The following GALNT6 variants were observed in gnomAD, a reference collection of about 807,000 sequenced individuals.
GALNT6 encodes GalNAc transferase 6.
In GALNT6, 51 loss-of-function variants were observed where a neutral mutation model predicts 65.9. The ratio of observed to expected loss-of-function variants is 0.77; its 90% CI spans 0.62 to 0.98. The LOEUF (loss-of-function observed/expected upper bound fraction) is 0.98, where lower values mean the gene tolerates loss of function less well. Among genes scored for constraint, GALNT6 ranks in the 50% least tolerant of loss-of-function variants. The pLI is 0.00. For missense variants in GALNT6, 708 were observed against 803.3 expected (o/e 0.88, Z 1.43); for synonymous variants, 323 against 315.1 (o/e 1.02, Z -0.26).
rs759751093 is a variant in GALNT6 at position 51,387,456 on chromosome 12, C to T, written c.-104+3394G>A. ...CAAACATGGATTTTCTATTGAAAAA[C>T]TCAACCCAACTTTGCTCACCACTGT... On this transcript the variant is annotated intron_variant, in intron 2 of 11. Transcript: ENST00000356317. The surrounding 1 kb of genome is among the most constrained non-coding windows in gnomAD (Gnocchi z 4.2). Among the ~76,000 whole-genome samples the T allele has an allele frequency of 6.6e-6, 1 of 152,172 alleles. No homozygotes were observed. The highest frequency in any genetic ancestry group is 1.9e-4 in the East Asian group (1 of 5,204).
chr12:51,380,580 A>C (rs1225907428), intron 2 of GALNT6, among the ~76,000 whole-genome samples: 1 of 152,220 alleles, frequency 6.6e-6, no homozygotes, highest in African/African-American at 2.4e-5. Context: ...GCTATAAAGA[A>C]AGCTAAAGAA....
At chr12:51,390,287 C>G (rs1031895947) in intron 2 of GALNT6, among the ~76,000 whole-genome samples, 6 of 151,602 alleles carry the variant, frequency 4.0e-5, no homozygotes, top group Non-Finnish European at 8.8e-5. Flanking sequence ...CTCAGCCTCC[C>G]AAGTAGCTGG....
At chr12:51,359,554 A>G (rs1946855286) in intron 7 of GALNT6, 2 of 448,178 alleles carry the variant, frequency 4.5e-6, no homozygotes, top group East Asian at 3.4e-5. Context: ...ACTTAAGCAC[A>G]GGGAGACTGC....
intron 6 of GALNT6, among the ~76,000 whole-genome samples, chr12:51,363,868 C>T (rs1375327215): frequency 3.3e-5 from 5 of 152,206 alleles, no homozygotes; most frequent in Non-Finnish European, 5.9e-5. Flanking sequence ...AGCAGTGCCA[C>T]GGTTAGGGCC....
At position 51,352,158 on chromosome 12, in the gene GALNT6, T is replaced by C. The variant is rs1946628043; in HGVS notation, c.*2221A>G. ...AAAGAAGCCTTCCCAGATGAAATTTTAGTCCTCTGCGCAGCCATGCTCTTC... is the reference window on the plus strand; with the variant it reads ...AAAGAAGCCTTCCCAGATGAAATTTCAGTCCTCTGCGCAGCCATGCTCTTC... On this transcript the variant is annotated 3_prime_UTR_variant, in exon 12 of 12. Transcript: ENST00000356317. The C allele has an allele frequency of 6.6e-6, 1 of 152,282 alleles. No individual in the cohort carries two copies. Among genetic ancestry groups the C allele is most frequent in the Non-Finnish European group, 1.5e-5 (1 of 68,072 alleles). The allele number at this position is 152,282 out of a possible 1,614,324, so 9.4% of individuals were successfully genotyped here.
rs1947584301 is a variant in GALNT6 at position 51,379,447 on chromosome 12, G to A, written c.335C>T (p.Ala112Val). Residue 112 changes from alanine to valine, a missense_variant, in exon 3 of 12, where the codon GCC becomes GTC. Ala to Val is a moderately conservative substitution (Grantham distance 64). Coordinates refer to ENST00000356317, the MANE Select transcript of GALNT6 (RefSeq NM_007210.4). ...AAATGCTTTTCCATCTGCCCCAGGG[G>A]CATTGGGGTCCTGTGGTGGCCGTTC... ...FWERPPQDPNAPGADGKAFQK... is the reference protein window; with the variant it reads ...FWERPPQDPNVPGADGKAFQK... 8 of 1,613,840 alleles carry A rather than the reference G, an allele frequency of 5.0e-6. No homozygotes were observed. Among genetic ancestry groups the A allele is most frequent in the African/African-American group, 4.0e-5 (3 of 74,912 alleles).
chr12:51,373,260 C>T (rs1347999244), intron 4 of GALNT6, among the ~76,000 whole-genome samples: 1 of 152,070 alleles, frequency 6.6e-6, no homozygotes, highest in African/African-American at 2.4e-5. Flanking sequence ...GTTTCCTCAC[C>T]CAAATCTCAT....
At chr12:51,383,628 T>C (rs1158851553) in intron 2 of GALNT6, 1 of 152,230 alleles carries the variant, frequency 6.6e-6, no homozygotes, top group Non-Finnish European at 1.5e-5. Flanking sequence ...CCTAGGCATC[T>C]AATCTCTCAA....
At position 51,379,728 on chromosome 12, in the gene GALNT6, G is replaced by A. The variant is rs756741700; in HGVS notation, c.54C>T (p.Cys18=). 2.9e-5 allele frequency: 47 copies of A among 1,613,190 alleles called. No homozygotes were observed. The highest frequency in any genetic ancestry group is 2.2e-4 in the South Asian group (20 of 91,076). The change falls in exon 3 of 12, where the codon TGC becomes TGT. Residue 18 remains cysteine, a synonymous_variant. Transcript: ENST00000356317. Reference sequence around the variant, plus strand: ...GGAGGAAGAGGAAGAGCACAAAGGCGCAGCCCACCATGGCCAGGCGCAGGG... The same window carrying A: ...GGAGGAAGAGGAAGAGCACAAAGGCACAGCCCACCATGGCCAGGCGCAGGG... The part of the protein sequence containing the change: ...HMPLRLAMVG[C]AFVLFLFLLH...
intron 2 of GALNT6, among the ~76,000 whole-genome samples, chr12:51,385,684 C>A (rs146794172): frequency 8.2e-4 from 125 of 152,256 alleles, no homozygotes; most frequent in African/African-American, 2.9e-3. Flanking sequence ...CTGCTTTGCC[C>A]CCTTAGCACC....
At chr12:51,390,622 G>A (rs1277881825) in intron 2 of GALNT6, among the ~76,000 whole-genome samples, 1 of 152,234 alleles carries the variant, frequency 6.6e-6, no homozygotes, top group Non-Finnish European at 1.5e-5. Context: ...CACATCTCTG[G>A]TAGAAGGCGC....
At position 51,368,818 on chromosome 12, in the gene GALNT6, T is replaced by C. The variant is rs558723780; in HGVS notation, c.665-3239A>G. Among the ~76,000 whole-genome samples the C allele has an allele frequency of 2.0e-5, 3 of 152,324 alleles. No individual in the cohort carries two copies. In the East Asian group the frequency reaches 5.8e-4, roughly 29 times the overall value. Reference sequence around the variant, plus strand: ...ATCTGAGGAGGGGGCTGTATCTTACTTAACTCCAGGAATGAGGCCTCTTAT... The same window carrying C: ...ATCTGAGGAGGGGGCTGTATCTTACCTAACTCCAGGAATGAGGCCTCTTAT... On this transcript the variant is annotated intron_variant, in intron 4 of 11. Transcript: ENST00000356317.
chr12:51,367,205 C>T (rs1175995608), intron 4 of GALNT6, among the ~76,000 whole-genome samples: 2 of 151,322 alleles, frequency 1.3e-5, no homozygotes, highest in Non-Finnish European at 2.9e-5. Context: ...TGCAGTGAGC[C>T]GAGATTGCAC....
At chr12:51,390,722 G>A (rs1948048712) in intron 2 of GALNT6, 128 bp downstream of exon 2, 1 of 114,648 alleles carries the variant, frequency 8.7e-6, no homozygotes, top group African/African-American at 2.9e-5. Flanking sequence ...GGCGAGCTCA[G>A]AGCACAGAGT....
At chr12:51,373,440 C>G (rs1339086365) in intron 4 of GALNT6, among the ~76,000 whole-genome samples, 5 of 152,192 alleles carry the variant, frequency 3.3e-5, no homozygotes, top group African/African-American at 1.2e-4. Flanking sequence ...TCTTCTCTCT[C>G]CTGACACCTC....
rs781282939 is a variant in GALNT6 at position 51,359,175 on chromosome 12, ATCT to A, written c.1322_1324del (p.Lys441del). 98 of 1,614,052 alleles carry A rather than the reference ATCT, an allele frequency of 6.1e-5. No individual in the cohort carries two copies. The highest frequency in any genetic ancestry group is 8.3e-5 in the Admixed American group (5 of 60,004). On this transcript the variant is annotated inframe_deletion, in exon 8 of 12. Transcript: ENST00000356317. The stretch of plus-strand genomic sequence containing the variant: ...TGCCTGCAGATTTCTCCTATAGAAA[ATCT>A]TCTTGTAGCTGTCCATCCAGACCTC...
intron 2 of GALNT6, among the ~76,000 whole-genome samples, chr12:51,380,889 GT>G (rs141596098): frequency 6.6e-6 from 1 of 152,152 alleles, no homozygotes; most frequent in South Asian, 2.1e-4. Flanking sequence ...ACTTCAAAGT[GT>G]TTTTTTCTCA....
chr12:51,367,748 G>A (rs148822539), intron 4 of GALNT6, among the ~76,000 whole-genome samples: 7 of 152,314 alleles, frequency 4.6e-5, no homozygotes, highest in Admixed American at 2.0e-4. Context: ...ACAAATGCAC[G>A]CACACAATAA....
At chr12:51,384,710 AAG>A (rs1947775258) in intron 2 of GALNT6, among the ~76,000 whole-genome samples, 1 of 151,042 alleles carries the variant, frequency 6.6e-6, no homozygotes, top group Non-Finnish European at 1.5e-5. Context: ...AAAAAAAAAA[AAG>A]ACCAATTAGC....
Sources: allele counts gnomAD v4.1 joint callset (sites outside exome capture counted in the v4.1 genomes callset), GRCh38; gene constraint gnomAD v4.1.1; non-coding constraint Gnocchi (gnomAD v3.1); transcripts MANE v1.5; gene names NCBI Gene and HGNC (gene_info 2026-07-23, HGNC 2026-07-21).